UBL5: variants seen among roughly 807,000 people sequenced by gnomAD.
UBL5 encodes the protein ubiquitin-like protein 5.
Under a neutral mutation model 11.7 loss-of-function variants are expected in UBL5, and 13 were observed. The ratio of observed to expected loss-of-function variants is 1.11; its 90% confidence interval spans 0.73 to 1.77. The LOEUF is 1.77. Ranked by LOEUF, UBL5 falls within the 40% of genes most tolerant of loss-of-function variation. The probability of loss-of-function intolerance (pLI) is 0.00; values close to 1 mark genes in which losing one functional copy is unlikely to be tolerated. For synonymous variants in UBL5, 28 were observed against 34.7 expected, an observed-to-expected ratio of 0.81 and a Z score of 0.68; for missense variants, 58 against 92.3, an observed-to-expected ratio of 0.63 and a Z score of 1.52.
chr19:9,830,024 T>C lies in UBL5; in HGVS notation c.*16T>C, dbSNP rs771074697. 2 of 1,613,940 alleles carry C rather than the reference T, an allele frequency of 1.2e-6. No individual in the cohort carries two copies. Among genetic ancestry groups the C allele is most frequent in the Non-Finnish European group, 1.7e-6 (2 of 1,179,896 alleles). ...TTATCAATAGATGAGAATCCTCATC[T>C]TCCTGCCCCGCTTTCCTCTCCCATC... On this transcript the variant is annotated 3_prime_UTR_variant, in exon 5 of 5. Coordinates refer to ENST00000586895, the MANE Select transcript of UBL5 (RefSeq NM_001048241.3).
At chr19:9,828,190 G>C (rs1294510785) in intron 1 of UBL5, 137 bp from the exon 2 acceptor site, 2 of 806,888 alleles carry the variant, frequency 2.5e-6, no homozygotes, top group Non-Finnish European at 4.1e-6. Flanking sequence ...CCGGGGGGTT[G>C]GGGGCAGAAC....
Position 9,828,482 on chromosome 19 carries a change from G to A in UBL5, c.56+89G>A, listed in dbSNP as rs376819845. On this transcript the variant is annotated intron_variant, in intron 2 of 4. Transcript: ENST00000586895. Reference sequence around the variant, plus strand: ...CAATCTGTGTTGTCGGATGGTTTTAGTTAAACCCGGGAGAGGGGGCGGATG... The same window carrying A: ...CAATCTGTGTTGTCGGATGGTTTTAATTAAACCCGGGAGAGGGGGCGGATG... The A allele has an allele frequency of 1.0e-4, 166 of 1,608,532 alleles. 1 individual carries two copies. In the East Asian group the frequency reaches 2.6e-3, roughly 25 times the overall value.
intron 1 of UBL5, 145 bp downstream of exon 1, chr19:9,828,129 C>CG: frequency 1.7e-6 from 1 of 605,276 alleles, no homozygotes; most frequent in Non-Finnish European, 2.9e-6. Flanking sequence ...CGCGGCTCCC[C>CG]GGGGTTCGCG....
chr19:9,829,056 A>G (rs2046041270), intron 4 of UBL5, 182 bp downstream of exon 4: 1 of 638,978 alleles, frequency 1.6e-6, no homozygotes, highest in Non-Finnish European at 2.8e-6. Flanking sequence ...GGTTGGTGAA[A>G]TAGTTTGACT....
chr19:9,828,736 G>A, intron 3 of UBL5, 61 bp downstream of exon 3: 10 of 1,611,956 alleles, frequency 6.2e-6, no homozygotes, highest in Non-Finnish European at 8.5e-6. Context: ...TTGGTTGGGG[G>A]AGCGCTGCAG....
intron 4 of UBL5, 40 bp from the exon 5 acceptor site, chr19:9,829,925 C>A (rs370281751): frequency 8.1e-6 from 13 of 1,612,700 alleles, no homozygotes; most frequent in African/African-American, 1.3e-5. Context: ...GGGGTGGGGA[C>A]GGAAGTCAGA....
intron 2 of UBL5, 21 bp downstream of exon 2, chr19:9,828,414 G>C: frequency 6.2e-7 from 1 of 1,614,166 alleles, no homozygotes; most frequent in Non-Finnish European, 8.5e-7. Flanking sequence ...GCAGCCGAGA[G>C]GCAGTGGTAC....
rs1031511092 is a variant in UBL5, at chr19:9,827,993, G to C, written c.-12+9G>C. On this transcript the variant is annotated intron_variant, in intron 1 of 4. Coordinates refer to ENST00000586895, the MANE Select transcript of UBL5 (RefSeq NM_001048241.3). ...GTTCGAGGCGATTCGAGGTGAGGGG[G>C]TCAAGCGGAGAGGCTCGGAGTCGGA... is the stretch of plus-strand genomic sequence containing the variant. 2 of 409,862 alleles carry C rather than the reference G, an allele frequency of 4.9e-6. No individual in the cohort carries two copies. Among genetic ancestry groups the C allele is most frequent in the Non-Finnish European group, 8.9e-6 (2 of 223,524 alleles). The allele number at this position is 409,862 out of a possible 1,614,324, so 25.4% of individuals were successfully genotyped here.
At chr19:9,829,066 T>C (rs2046041312) in intron 4 of UBL5, 192 bp downstream of exon 4, 1 of 623,602 alleles carries the variant, frequency 1.6e-6, no homozygotes, top group African/African-American at 1.8e-5. Flanking sequence ...ATAGTTTGAC[T>C]TCAAGTTCAA....
chr19:9,828,306 C>T, intron 1 of UBL5, 21 bp from the exon 2 acceptor site: 4 of 1,578,110 alleles, frequency 2.5e-6, no homozygotes, highest in Middle Eastern at 1.7e-4. Context: ...CTGCCTCCCA[C>T]CCACCCCCCG....
intron 3 of UBL5, 58 bp from the exon 4 acceptor site, chr19:9,828,779 T>TG (rs2046039826): frequency 1.2e-6 from 2 of 1,611,780 alleles, no homozygotes; most frequent in African/African-American, 2.7e-5. Flanking sequence ...CTACCTCATT[T>TG]GGCCTACAGA....
intron 4 of UBL5, 147 bp downstream of exon 4, chr19:9,829,021 T>A: frequency 1.3e-6 from 1 of 772,760 alleles, no homozygotes; most frequent in Non-Finnish European, 2.2e-6. Context: ...GGGAGCTAGG[T>A]AATTATTTGG....
rs375769032 is a variant in UBL5 at position 9,828,336 on chromosome 19, G to A, written c.-2G>A. 1.1e-5 allele frequency: 17 copies of A among 1,612,902 alleles called. No individual in the cohort carries two copies. The African/African-American group carries it at 2.0e-4, about 19-fold the overall frequency. ...CCCCCGCTTTGTGTAGCTCCAGCTA[G>A]GATGATCGAGGTTGTTTGCAACGAC... On this transcript the variant is annotated 5_prime_UTR_variant, in exon 2 of 5. Coordinates refer to ENST00000586895, the MANE Select transcript of UBL5 (RefSeq NM_001048241.3).
rs200159330 is a variant in UBL5, at chr19:9,830,047, A to G, written c.*39A>G. ...TCTTCCTGCCCCGCTTTCCTCTCCC[A>G]TCCTCATCCCCCACACTGGGATAGA... On this transcript the variant is annotated 3_prime_UTR_variant, in exon 5 of 5. Coordinates refer to ENST00000586895, the MANE Select transcript of UBL5 (RefSeq NM_001048241.3). 1.3e-3 allele frequency: 2,174 copies of G among 1,612,326 alleles called. 4 individuals are homozygous for G. The highest frequency in any genetic ancestry group is 2.5e-3 in the Middle Eastern group (15 of 5,900).
intron 4 of UBL5, chr19:9,829,526 G>C (rs1258416355): frequency 1.4e-5 from 2 of 147,360 alleles, no homozygotes; most frequent in Non-Finnish European, 2.9e-5. Flanking sequence ...ATGGAGTTTT[G>C]CTCTTGTTGC....
intron 4 of UBL5, 74 bp from the exon 5 acceptor site, chr19:9,829,891 T>G (rs1380716011): frequency 6.3e-7 from 1 of 1,585,548 alleles, no homozygotes; most frequent in African/African-American, 1.3e-5. Context: ...TCAGGCCACC[T>G]GACCCGGCTG....
chr19:9,828,953 G>C, intron 4 of UBL5, 79 bp downstream of exon 4: 1 of 1,375,598 alleles, frequency 7.3e-7, no homozygotes, highest in Non-Finnish European at 1.0e-6. Flanking sequence ...GTCTGCATGA[G>C]CTTATGCATA....
In UBL5 at chr19:9,829,953, C is replaced by T. The variant is rs1273962641; in HGVS notation, c.179-12C>T. 6.2e-7 allele frequency: 1 copy of T among 1,614,134 alleles called. No homozygotes were observed. Among genetic ancestry groups the T allele is most frequent in the Admixed American group, 1.7e-5 (1 of 60,014 alleles). ...AAGTCAGAGTCAGGATTCCTTAACA[C>T]CTTTCCTTCAGATGAAATCCACGAT... On this transcript the variant is annotated splice_polypyrimidine_tract_variant and intron_variant, in intron 4 of 4. Coordinates refer to ENST00000586895, the MANE Select transcript of UBL5 (RefSeq NM_001048241.3).
At position 9,828,821 on chromosome 19, in the gene UBL5, T is replaced by A. The variant is rs761807441; in HGVS notation, c.141-16T>A. 80 of 1,614,106 alleles carry A rather than the reference T, an allele frequency of 5.0e-5. 3 individuals carry two copies. In the South Asian group the frequency reaches 8.6e-4, roughly 17 times the overall value. On this transcript the variant is annotated splice_polypyrimidine_tract_variant and intron_variant, in intron 3 of 4. Coordinates refer to ENST00000586895, the MANE Select transcript of UBL5 (RefSeq NM_001048241.3). ...AGCCTCCTTAGCCTTATCTCTGAAA[T>A]GTCTCTTTTTCTTAGGTACACGATT...
Sources: allele counts gnomAD v4.1 joint callset, GRCh38; gene constraint gnomAD v4.1.1; transcripts MANE v1.5; gene names NCBI Gene and HGNC (gene_info 2026-07-23, HGNC 2026-07-21).